Variants in POLN observed in about 807,000 individuals in gnomAD.
POLN encodes DNA polymerase N.
POLN carries 108 observed loss-of-function variants against 113.5 expected under a neutral mutation model. That is an observed-to-expected ratio of 0.95 (90% CI 0.81 to 1.12). The LOEUF (loss-of-function observed/expected upper bound fraction) is 1.12. Ranked by LOEUF, POLN falls within the 50% of genes most tolerant of loss-of-function variation. POLN has a pLI of 0.00. For missense variants in POLN, 1,097 were observed against 1,077.1 expected, an observed-to-expected ratio of 1.02 and a Z score of -0.26; for synonymous variants, 386 against 391.5, an observed-to-expected ratio of 0.99 and a Z score of 0.17.
chr4:2,196,266 A>T (rs778959149), intron 6 of POLN, among the ~76,000 whole-genome samples: 1 of 152,194 alleles, frequency 6.6e-6, no homozygotes, highest in Non-Finnish European at 1.5e-5. Flanking sequence ...CGGCCATCCA[A>T]CTGCATCACA....
chr4:2,230,898 T>G (rs1041949479), intron 2 of POLN: 1 of 152,352 alleles, frequency 6.6e-6, no homozygotes, highest in East Asian at 1.9e-4. Flanking sequence ...CCAAATACCA[T>G]TGTTAAATAC....
At chr4:2,217,126 C>A (rs962765147) in intron 3 of POLN, among the ~76,000 whole-genome samples, 1 of 152,240 alleles carries the variant, frequency 6.6e-6, no homozygotes, top group Admixed American at 6.5e-5. Flanking sequence ...ATCTTCCAAT[C>A]TTTCTCATTC....
At chr4:2,139,369 C>A (rs1212468664) in intron 16 of POLN, among the ~76,000 whole-genome samples, 1 of 152,202 alleles carries the variant, frequency 6.6e-6, no homozygotes, top group Non-Finnish European at 1.5e-5. Context: ...CAGCCTTTGG[C>A]CCTGATAATC....
intron 17 of POLN, among the ~76,000 whole-genome samples, chr4:2,130,414 C>A (rs1007354656): frequency 6.6e-6 from 1 of 152,194 alleles, no homozygotes; most frequent in African/African-American, 2.4e-5. Context: ...AGGAGCGCCA[C>A]TGCCAAGGGT....
intron 19 of POLN, 42 bp from the exon 20 acceptor site, chr4:2,095,975 A>T: frequency 1.3e-6 from 2 of 1,550,662 alleles, no homozygotes; most frequent in Non-Finnish European, 1.8e-6. Flanking sequence ...CACAGAAGGC[A>T]CTGTCAGTGC....
At chr4:2,086,146 T>C (rs1349042565) in intron 20 of POLN, among the ~76,000 whole-genome samples, 1 of 152,278 alleles carries the variant, frequency 6.6e-6, no homozygotes, top group East Asian at 1.9e-4. Flanking sequence ...TTCTAGAAGA[T>C]GCAGGTGTTC....
intron 7 of POLN, among the ~76,000 whole-genome samples, chr4:2,186,620 T>A (rs1733280635): frequency 6.6e-6 from 1 of 152,094 alleles, no homozygotes; most frequent in South Asian, 2.1e-4. Context: ...ACCAAAAATC[T>A]CTGAGCAAAC....
chr4:2,137,942 G>C (rs1276426925), intron 16 of POLN, among the ~76,000 whole-genome samples: 2 of 152,062 alleles, frequency 1.3e-5, no homozygotes, highest in African/African-American at 2.4e-5. Context: ...GGGTTCAAAT[G>C]ATTCTCCTGC....
At chr4:2,217,678 A>C (rs2108768342) in intron 3 of POLN, among the ~76,000 whole-genome samples, 1 of 152,300 alleles carries the variant, frequency 6.6e-6, no homozygotes, top group Middle Eastern at 3.4e-3. Flanking sequence ...CTTGCTCCAG[A>C]GTTCTAGGAG....
At chr4:2,139,014 C>T (rs898908607) in intron 16 of POLN, among the ~76,000 whole-genome samples, 4 of 151,432 alleles carry the variant, frequency 2.6e-5, no homozygotes, top group South Asian at 2.1e-4. Context: ...TGTGCGCAGG[C>T]ATGGAAGCTG....
chr4:2,096,728 G>C (rs946944137), intron 19 of POLN, among the ~76,000 whole-genome samples: 39 of 147,986 alleles, frequency 2.6e-4, no homozygotes, highest in African/African-American at 9.6e-4. Flanking sequence ...GAGAGAGAGA[G>C]AGACACACAG....
At chr4:2,222,693 GC>G (rs1173779802) in intron 3 of POLN, among the ~76,000 whole-genome samples, 1 of 143,898 alleles carries the variant, frequency 6.9e-6, no homozygotes, top group African/African-American at 2.8e-5. Flanking sequence ...ATCACCCACG[GC>G]CTTTTTTTTT....
At chr4:2,140,146 T>G (rs1358879686) in intron 16 of POLN, 5 of 152,194 alleles carry the variant, frequency 3.3e-5, no homozygotes, top group African/African-American at 7.2e-5. Context: ...TGGCACAATC[T>G]TGGCTCACTA....
rs1473747549 is a variant in POLN at position 2,154,177 on chromosome 4, G to A, written c.1731+2611C>T. 6.1e-5 allele frequency among the ~76,000 whole-genome samples: 7 copies of A among 114,594 alleles called. No individual in the cohort carries two copies. The Admixed American group carries it at 8.7e-4, about 14-fold the overall frequency. 75.2% of individuals were successfully genotyped at this position (114,594 alleles called of 152,430 possible). On this transcript the variant is annotated intron_variant, in intron 16 of 25. Coordinates refer to ENST00000511885, the MANE Select transcript of POLN (RefSeq NM_181808.4). ...CACGCCACTGCACTCCAGCCTGGGC[G>A]ACAGCGAGACTCCATCTCAACAAAA...
chr4:2,117,911 C>T (rs2108716611), intron 19 of POLN, among the ~76,000 whole-genome samples: 1 of 152,312 alleles, frequency 6.6e-6, no homozygotes, highest in East Asian at 1.9e-4. Context: ...TGTTTCCTGC[C>T]TATAGAAGAC....
intron 5 of POLN, among the ~76,000 whole-genome samples, chr4:2,205,587 G>A (rs535230773): frequency 3.3e-4 from 50 of 152,148 alleles, no homozygotes; most frequent in African/African-American, 1.2e-3. Flanking sequence ...ATAAAAAACA[G>A]TCCTAGGCCA....
At chr4:2,209,545 A>C (rs1733937729) in intron 4 of POLN, among the ~76,000 whole-genome samples, 1 of 151,876 alleles carries the variant, frequency 6.6e-6, no homozygotes, top group Non-Finnish European at 1.5e-5. Flanking sequence ...ATCAATGTGC[A>C]ATATGCATTC....
At chr4:2,163,100 TG>T (rs1343297482) in intron 13 of POLN, among the ~76,000 whole-genome samples, 1 of 150,426 alleles carries the variant, frequency 6.6e-6, no homozygotes, top group Non-Finnish European at 1.5e-5. Context: ...TAAATCCACT[TG>T]GGGGAGAACT....
chr4:2,176,227 G>A (rs1560082870), intron 9 of POLN, 39 bp downstream of exon 9: 1 of 1,524,808 alleles, frequency 6.6e-7, no homozygotes, highest in Non-Finnish European at 9.1e-7. Context: ...CATCTCTTGT[G>A]AGCCTCTGTC....
Sources: gnomAD v4.1 joint callset for allele counts (sites outside exome capture counted in the v4.1 genomes callset) on GRCh38, gnomAD v4.1.1 for gene constraint, MANE v1.5 for transcripts, NCBI Gene and HGNC (gene_info 2026-07-23, HGNC 2026-07-21) for gene names.